Variants in RAB3B observed in about 807,000 individuals in gnomAD.
RAB3B encodes the protein RAB3B, member RAS oncogene family, also known as ras-related protein Rab-3B.
Under a neutral mutation model 20.5 loss-of-function variants are expected in RAB3B, and 11 were observed. The ratio of observed to expected loss-of-function variants is 0.54; its 90% CI spans 0.34 to 0.89. The LOEUF (loss-of-function observed/expected upper bound fraction) is 0.89. RAB3B is among the 40% of genes least tolerant of loss of function. RAB3B has a pLI of 0.02. For missense variants in RAB3B, 225 were observed against 280.9 expected (o/e 0.80, Z 1.42); for synonymous variants, 99 against 106.3 (o/e 0.93, Z 0.42).
At chr1:51,933,186 G>A in intron 4 of RAB3B, 132 bp downstream of exon 4, 1 of 965,702 alleles carries the variant, frequency 1.0e-6, no homozygotes, top group Non-Finnish European at 1.5e-6. Context: ...AATACACACA[G>A]ATCACATAGG....
chr1:51,963,759 G>A (rs1219029880), intron 2 of RAB3B, among the ~76,000 whole-genome samples: 1 of 152,066 alleles, frequency 6.6e-6, no homozygotes, highest in Non-Finnish European at 1.5e-5. Context: ...AGCTGCACCT[G>A]TGCCCAAACC....
intron 2 of RAB3B, among the ~76,000 whole-genome samples, chr1:51,974,408 T>G (rs1243089626): frequency 2.0e-5 from 3 of 152,158 alleles, no homozygotes; most frequent in African/African-American, 7.2e-5. Context: ...ACTCAATAGT[T>G]CTGAGGTGGG....
chr1:51,950,108 A>C (rs1684618423), intron 2 of RAB3B, among the ~76,000 whole-genome samples: 1 of 152,174 alleles, frequency 6.6e-6, no homozygotes, highest in Non-Finnish European at 1.5e-5. Context: ...GTACTACTGG[A>C]AAAGGCAACA....
rs148163651 is a variant in RAB3B, at chr1:51,974,533, T to C, written c.228+2357A>G. Among the ~76,000 whole-genome samples the C allele has an allele frequency of 9.1e-4, 138 of 152,358 alleles. 1 individual carries two copies. The highest frequency in any genetic ancestry group is 3.0e-3 in the African/African-American group (125 of 41,576). On this transcript the variant is annotated intron_variant, in intron 2 of 4. Transcript: ENST00000371655. ...TCTATTTCTAATGATCTCTGACTCC[T>C]CAATGCCTTTAATAGAGAGCAAATG...
At chr1:51,938,608 C>A (rs903823916) in intron 2 of RAB3B, among the ~76,000 whole-genome samples, 3 of 151,268 alleles carry the variant, frequency 2.0e-5, no homozygotes, top group African/African-American at 4.9e-5. Flanking sequence ...AGAAACACAT[C>A]AAAAGGTTAA....
At chr1:51,946,462 CA>C (rs1684567073) in intron 2 of RAB3B, among the ~76,000 whole-genome samples, 1 of 152,222 alleles carries the variant, frequency 6.6e-6, no homozygotes, top group African/African-American at 2.4e-5. Context: ...AGGAGTGACT[CA>C]CTGGCTACTT....
chr1:51,943,986 T>C (rs1308819736), intron 2 of RAB3B, among the ~76,000 whole-genome samples: 1 of 152,240 alleles, frequency 6.6e-6, no homozygotes, highest in Non-Finnish European at 1.5e-5. Flanking sequence ...TGATTTTCAA[T>C]GTAGACAAAA....
At chr1:51,942,905 A>G (rs914161832) in intron 2 of RAB3B, among the ~76,000 whole-genome samples, 4 of 152,198 alleles carry the variant, frequency 2.6e-5, no homozygotes, top group African/African-American at 9.6e-5. Flanking sequence ...ATCTGTGATC[A>G]GTGATCTTTG....
intron 3 of RAB3B, among the ~76,000 whole-genome samples, chr1:51,935,993 A>G (rs1684399123): frequency 1.3e-5 from 2 of 152,166 alleles, no homozygotes; most frequent in African/African-American, 4.8e-5. Context: ...GGCAGCCCAC[A>G]AGGTCACTCT....
At chr1:51,973,711 T>A (rs1209768391) in intron 2 of RAB3B, among the ~76,000 whole-genome samples, 1 of 152,176 alleles carries the variant, frequency 6.6e-6, no homozygotes, top group Admixed American at 6.5e-5. Context: ...TTCATTTAGT[T>A]AAAACTAGAC....
chr1:51,944,430 G>A (rs1177614441), intron 2 of RAB3B, among the ~76,000 whole-genome samples: 1 of 152,188 alleles, frequency 6.6e-6, no homozygotes, highest in East Asian at 1.9e-4. Flanking sequence ...GGATCAAGGA[G>A]TAATTTTGAC....
At chr1:51,985,409 A>G (rs1266510448) in intron 1 of RAB3B, among the ~76,000 whole-genome samples, 1 of 152,208 alleles carries the variant, frequency 6.6e-6, no homozygotes. Flanking sequence ...GCATTTTTCA[A>G]GTGCCAGACT....
At chr1:51,985,458 G>A (rs1264429404) in intron 1 of RAB3B, among the ~76,000 whole-genome samples, 1 of 152,118 alleles carries the variant, frequency 6.6e-6, no homozygotes, top group Non-Finnish European at 1.5e-5. Context: ...TCACTTTTCT[G>A]ATGTAGCCCA....
At chr1:51,986,077 T>A (rs1336675752) in intron 1 of RAB3B, among the ~76,000 whole-genome samples, 1 of 150,898 alleles carries the variant, frequency 6.6e-6, no homozygotes, top group Non-Finnish European at 1.5e-5. Context: ...GATGCCAAAA[T>A]GGGAAAATCA....
intron 1 of RAB3B, among the ~76,000 whole-genome samples, chr1:51,989,258 T>TGTGTGTGTG: frequency 9.2e-6 from 1 of 108,180 alleles, no homozygotes; most frequent in South Asian, 2.8e-4. Flanking sequence ...GTGTGTGTGT[T>TGTGTGTGTG]TTGAGGGCCC....
chr1:51,938,143 G>A lies in RAB3B; in HGVS notation c.229-731C>T, dbSNP rs973793332. On this transcript the variant is annotated intron_variant, in intron 2 of 4. Coordinates refer to ENST00000371655, the MANE Select transcript of RAB3B (RefSeq NM_002867.4). ...CAGTCTCCGAGTAGCTGGGATTAAG[G>A]TTTTGTGCCACTGTGCCCAGCCCCT... Among the ~76,000 whole-genome samples, 3 of 151,670 alleles carry A rather than the reference G, an allele frequency of 2.0e-5. No homozygotes were observed. In the East Asian group the frequency reaches 5.8e-4, roughly 29 times the overall value.
chr1:51,960,040 C>T (rs918775172), intron 2 of RAB3B, among the ~76,000 whole-genome samples: 3 of 152,002 alleles, frequency 2.0e-5, no homozygotes, highest in African/African-American at 7.3e-5. Flanking sequence ...GAGAGCCCCC[C>T]TGGATTTTAG....
chr1:51,948,106 G>GT (rs1226690137), intron 2 of RAB3B, among the ~76,000 whole-genome samples: 1 of 152,068 alleles, frequency 6.6e-6, no homozygotes, highest in East Asian at 1.9e-4. Context: ...AGTTTACAAT[G>GT]TTTTTTTCTT....
intron 1 of RAB3B, among the ~76,000 whole-genome samples, chr1:51,988,973 C>G (rs1023051303): frequency 6.6e-6 from 1 of 151,842 alleles, no homozygotes; most frequent in Non-Finnish European, 1.5e-5. Context: ...CCCACCTCCC[C>G]CAAAATGCTT....
Sources: gnomAD v4.1 joint callset for allele counts (sites outside exome capture counted in the v4.1 genomes callset) on GRCh38, gnomAD v4.1.1 for gene constraint, MANE v1.5 for transcripts, NCBI Gene and HGNC (gene_info 2026-07-23, HGNC 2026-07-21) for gene names.